The following PLGRKT variants were observed in gnomAD, a reference collection of about 807,000 sequenced individuals.
The protein encoded by PLGRKT is plasminogen receptor with a C-terminal lysine.
Under a neutral mutation model 18.5 loss-of-function variants are expected in PLGRKT, and 22 were observed. The observed-to-expected ratio is 1.19, with a 90% confidence interval of 0.85 to 1.70. The LOEUF (loss-of-function observed/expected upper bound fraction) is 1.70, where lower values mean the gene tolerates loss of function less well. PLGRKT is among the 40% of genes most tolerant of loss of function. PLGRKT has a pLI of 0.00. For synonymous variants in PLGRKT, 72 were observed against 52.8 expected (o/e 1.36, Z -1.58); for missense variants, 235 against 174.4 (o/e 1.35, Z -1.96).
chr9:5,394,223 C>G (rs1299554458), intron 3 of PLGRKT, among the ~76,000 whole-genome samples: 2 of 151,696 alleles, frequency 1.3e-5, no homozygotes, highest in East Asian at 1.9e-4. Context: ...AAGCAGGAAG[C>G]CTACATGACT....
intron 3 of PLGRKT, among the ~76,000 whole-genome samples, chr9:5,424,432 ATT>A (rs1353665350): frequency 9.2e-6 from 1 of 108,776 alleles, no homozygotes; most frequent in African/African-American, 3.3e-5. Flanking sequence ...TATATAACAT[ATT>A]ATAAAATATA....
At chr9:5,371,747 C>T (rs892803000) in intron 3 of PLGRKT, among the ~76,000 whole-genome samples, 1 of 152,060 alleles carries the variant, frequency 6.6e-6, no homozygotes, top group African/African-American at 2.4e-5. Context: ...GAAGACAATT[C>T]CAGATTGTCT....
At chr9:5,388,139 A>C (rs1341967140) in intron 3 of PLGRKT, among the ~76,000 whole-genome samples, 4 of 151,884 alleles carry the variant, frequency 2.6e-5, no homozygotes, top group Non-Finnish European at 5.9e-5. Context: ...GCGAGTATAG[A>C]TGGTGAAAAG....
intron 3 of PLGRKT, among the ~76,000 whole-genome samples, chr9:5,377,971 A>G (rs912124357): frequency 2.0e-5 from 3 of 152,150 alleles, no homozygotes; most frequent in Admixed American, 1.3e-4. Flanking sequence ...TCCCAGAGTA[A>G]ACCTTTGTTC....
At position 5,365,857 on chromosome 9, in the gene PLGRKT, A is replaced by AT. The variant is rs1458988120; in HGVS notation, c.82-3970dup. 4.6e-5 allele frequency among the ~76,000 whole-genome samples: 7 copies of AT among 152,290 alleles called. No individual in the cohort carries two copies. The East Asian group carries it at 1.4e-3, about 29-fold the overall frequency. On this transcript the variant is annotated intron_variant, in intron 3 of 5. Transcript: ENST00000223864. ...TTTAAAAAACTAGTCATGAACAAAT[A>AT]TTATATTCTGAGTCGGTTCCCTTAC...
chr9:5,433,350 C>G (rs922308660), intron 2 of PLGRKT, among the ~76,000 whole-genome samples: 2 of 148,270 alleles, frequency 1.3e-5, no homozygotes, highest in Non-Finnish European at 3.0e-5. Flanking sequence ...CGCCCATCGT[C>G]TGGGGTGTGA....
In PLGRKT at chr9:5,368,905, T is replaced by G. The variant is rs141399853; in HGVS notation, c.82-7017A>C. Among the ~76,000 whole-genome samples the G allele has an allele frequency of 6.6e-3, 1,005 of 152,292 alleles. 15 individuals are homozygous for G. The highest frequency in any genetic ancestry group is 0.022 in the African/African-American group (911 of 41,568). On this transcript the variant is annotated intron_variant, in intron 3 of 5. Coordinates refer to ENST00000223864, the MANE Select transcript of PLGRKT (RefSeq NM_018465.4). Reference sequence around the variant, plus strand: ...GTGTTGGGAAAACTGGCTAGCCATATGCAGAAAACTGAAACTGGACCCCTT... The same window carrying G: ...GTGTTGGGAAAACTGGCTAGCCATAGGCAGAAAACTGAAACTGGACCCCTT...
intron 3 of PLGRKT, among the ~76,000 whole-genome samples, chr9:5,414,595 C>G (rs1430681882): frequency 1.3e-5 from 2 of 152,206 alleles, no homozygotes; most frequent in Non-Finnish European, 2.9e-5. Flanking sequence ...AACTGCATTA[C>G]AAGTCAATAA....
At chr9:5,379,395 C>T (rs1817693166) in intron 3 of PLGRKT, among the ~76,000 whole-genome samples, 1 of 152,184 alleles carries the variant, frequency 6.6e-6, no homozygotes, top group Non-Finnish European at 1.5e-5. Flanking sequence ...ATGGTAGCCA[C>T]TAGCCATACT....
In PLGRKT at chr9:5,428,378, C is replaced by T. The variant is rs559400087; in HGVS notation, c.81+3519G>A. Among the ~76,000 whole-genome samples, 5 of 152,286 alleles carry T rather than the reference C, an allele frequency of 3.3e-5. No homozygotes were observed. In the South Asian group the frequency reaches 6.2e-4, roughly 19 times the overall value. ...CTCAAAATTTTATGGCTCTGTTGGA[C>T]TGGACACGAGTGCCAAAGTCTACTT... is the stretch of plus-strand genomic sequence containing the variant. On this transcript the variant is annotated intron_variant, in intron 3 of 5. Coordinates refer to ENST00000223864, the MANE Select transcript of PLGRKT (RefSeq NM_018465.4).
chr9:5,357,988 A>C lies in PLGRKT; in HGVS notation c.*251T>G. On this transcript the variant is annotated 3_prime_UTR_variant, in exon 6 of 6. Transcript: ENST00000223864. ...GCATTTGCTTCCAGGAATTCAAAAC[A>C]ATTTATTAATTTTACACTTAGATAT... 1 of 286,834 alleles carries C rather than the reference A, an allele frequency of 3.5e-6. No homozygotes were observed. Among genetic ancestry groups the C allele is most frequent in the East Asian group, 6.6e-5 (1 of 15,122 alleles). 17.8% of individuals were successfully genotyped at this position (286,834 alleles called of 1,614,324 possible).
chr9:5,362,594 T>C (rs1267936992), intron 3 of PLGRKT, among the ~76,000 whole-genome samples: 1 of 152,166 alleles, frequency 6.6e-6, no homozygotes, highest in Admixed American at 6.5e-5. Flanking sequence ...GTTGTTGGCA[T>C]TGTTGTTGAT....
At chr9:5,374,384 C>T (rs1586707276) in intron 3 of PLGRKT, among the ~76,000 whole-genome samples, 1 of 152,200 alleles carries the variant, frequency 6.6e-6, no homozygotes, top group East Asian at 1.9e-4. Flanking sequence ...TGCTTTCCTG[C>T]TTAAAAATGT....
chr9:5,435,768 C>G (rs1321118835), intron 2 of PLGRKT, among the ~76,000 whole-genome samples: 2 of 152,172 alleles, frequency 1.3e-5, no homozygotes, highest in African/African-American at 4.8e-5. Flanking sequence ...TTGCTGATAC[C>G]TTTTCTCTTT....
At chr9:5,415,005 T>G (rs1818432086) in intron 3 of PLGRKT, among the ~76,000 whole-genome samples, 1 of 152,130 alleles carries the variant, frequency 6.6e-6, no homozygotes, top group Non-Finnish European at 1.5e-5. Context: ...AAGAGGACAA[T>G]CATCATAACA....
At chr9:5,375,984 T>C (rs927405746) in intron 3 of PLGRKT, among the ~76,000 whole-genome samples, 8 of 152,070 alleles carry the variant, frequency 5.3e-5, no homozygotes, top group African/African-American at 1.9e-4. Flanking sequence ...GTAAACAAAA[T>C]GTACATATAC....
rs568485052 is a variant in PLGRKT, at chr9:5,401,727, T to C, written c.81+30170A>G. 1.2e-3 allele frequency among the ~76,000 whole-genome samples: 187 copies of C among 152,136 alleles called. 4 individuals carry two copies. The highest frequency in any genetic ancestry group is 4.4e-3 in the African/African-American group (181 of 41,358). ...CAAAAGCCAATATCACCTTAATTTA[T>C]GTTCCAGGTGAAGATAAGAGTTGTA... On this transcript the variant is annotated intron_variant, in intron 3 of 5. Transcript: ENST00000223864.
intron 3 of PLGRKT, among the ~76,000 whole-genome samples, chr9:5,405,350 T>C (rs1818235524): frequency 6.6e-6 from 1 of 152,174 alleles, no homozygotes; most frequent in Non-Finnish European, 1.5e-5. Context: ...CTACCTGACT[T>C]CAAACTATAC....
chr9:5,374,015 T>G (rs1444953195), intron 3 of PLGRKT, among the ~76,000 whole-genome samples: 1 of 152,196 alleles, frequency 6.6e-6, no homozygotes, highest in African/African-American at 2.4e-5. Flanking sequence ...ACACCTCCTT[T>G]TGGTCTTCTC....
Sources: gnomAD v4.1 joint callset for allele counts (sites outside exome capture counted in the v4.1 genomes callset) on GRCh38, gnomAD v4.1.1 for gene constraint, MANE v1.5 for transcripts, NCBI Gene and HGNC (gene_info 2026-07-23, HGNC 2026-07-21) for gene names.